The following NFASC variants were observed in gnomAD, a reference collection of about 807,000 sequenced individuals.
The protein encoded by NFASC is neurofascin, also known as neurofascin homolog.
A neutral mutation model predicts 147.5 loss-of-function variants in NFASC; 43 were observed. The observed-to-expected ratio is 0.29, with a 90% confidence interval of 0.23 to 0.38. The LOEUF is 0.38. Ranked by LOEUF, NFASC falls within the 10% of genes least tolerant of loss-of-function variation. The pLI is 1.00. For missense variants in NFASC, 1,320 were observed against 1,689.0 expected (o/e 0.78, Z 3.83); for synonymous variants, 622 against 665.5 (o/e 0.93, Z 1.01).
At chr1:204,856,697 C>T (rs2076190943) in intron 1 of NFASC, among the ~76,000 whole-genome samples, 1 of 152,138 alleles carries the variant, frequency 6.6e-6, no homozygotes, top group South Asian at 2.1e-4. Context: ...TATCCCCTGG[C>T]CATCACTAAT....
chr1:204,980,393 G>A lies in NFASC; in HGVS notation c.2200G>A (p.Val734Met), dbSNP rs757849926. ...GAPPESNPGD[V>M]KGEGTRKNNM... Reference sequence around the variant, plus strand: ...AGCCCCCGAGTCCAATCCTGGTGACGTGAAGGGAGAGGGGACCAGAAAGAA... The same window carrying A: ...AGCCCCCGAGTCCAATCCTGGTGACATGAAGGGAGAGGGGACCAGAAAGAA... The change falls in exon 20 of 30, where the codon GTG (valine) becomes ATG (methionine). Residue 734 changes from valine to methionine, a missense_variant. By Grantham distance (21) the Val-to-Met change is conservative. Around this residue, in one of 3 missense-constraint regions of NFASC, gnomAD observed 981 missense variants for 1,289.5 expected, o/e 0.76. Transcript: ENST00000339876. 6 of 1,613,768 alleles carry A rather than the reference G, an allele frequency of 3.7e-6. No individual in the cohort carries two copies. The highest frequency in any genetic ancestry group is 5.1e-6 in the Non-Finnish European group (6 of 1,179,818).
intron 2 of NFASC, 90 bp downstream of exon 2, chr1:204,920,830 GAA>G: frequency 1.8e-6 from 1 of 562,904 alleles, no homozygotes; most frequent in Non-Finnish European, 2.9e-6. Context: ...TTTGATAAGG[GAA>G]GCCTGTTTGC....
At chr1:204,930,139 G>C (rs927459911) in intron 2 of NFASC, among the ~76,000 whole-genome samples, 4 of 152,190 alleles carry the variant, frequency 2.6e-5, no homozygotes, top group African/African-American at 7.2e-5. Flanking sequence ...AGGTGTTGTT[G>C]ATTCTGAGGC....
chr1:205,002,249 C>T (rs1319520490), intron 26 of NFASC, among the ~76,000 whole-genome samples: 14 of 152,204 alleles, frequency 9.2e-5, no homozygotes, highest in Non-Finnish European at 2.9e-5. Context: ...CAGCCAGATC[C>T]ATGTGAAAAG....
intron 2 of NFASC, among the ~76,000 whole-genome samples, chr1:204,936,868 T>A (rs529142016): frequency 6.7e-6 from 1 of 149,422 alleles, no homozygotes; most frequent in Non-Finnish European, 1.5e-5. Flanking sequence ...TGCCCTGGAC[T>A]CTCTCTCTGA....
At chr1:205,012,898 G>A (rs761848695) in intron 29 of NFASC, 32 bp downstream of exon 29, 1 of 1,538,792 alleles carries the variant, frequency 6.5e-7, no homozygotes, top group South Asian at 1.1e-5. Flanking sequence ...CTCTCAGGCA[G>A]GCTGTCCTCC....
chr1:204,900,984 C>G (rs2084443114), intron 1 of NFASC, among the ~76,000 whole-genome samples: 1 of 151,988 alleles, frequency 6.6e-6, no homozygotes, highest in African/African-American at 2.4e-5. Context: ...GCCCAGATTC[C>G]TTTTAAAGAT....
intron 2 of NFASC, among the ~76,000 whole-genome samples, chr1:204,921,355 A>G (rs1237447686): frequency 6.6e-6 from 1 of 152,200 alleles, no homozygotes; most frequent in African/African-American, 2.4e-5. Flanking sequence ...ATTTTAACAG[A>G]GCAGTAACGG....
chr1:204,948,963 C>T (rs2093953896), intron 3 of NFASC, among the ~76,000 whole-genome samples: 1 of 152,156 alleles, frequency 6.6e-6, no homozygotes, highest in Admixed American at 6.5e-5. Flanking sequence ...TTCTTGGGGC[C>T]CTGGCAAGAA....
At chr1:204,891,162 CG>C (rs1307106054) in intron 1 of NFASC, among the ~76,000 whole-genome samples, 1 of 152,170 alleles carries the variant, frequency 6.6e-6, no homozygotes, top group African/African-American at 2.4e-5. Context: ...AGCAGAACCT[CG>C]GGCAAGGCTT....
At chr1:204,946,721 A>C (rs2093769358) in intron 3 of NFASC, 2 of 519,174 alleles carry the variant, frequency 3.9e-6, no homozygotes, top group Non-Finnish European at 7.7e-6. Flanking sequence ...TTCTATAGAA[A>C]CAAGTTAAAG....
intron 11 of NFASC, among the ~76,000 whole-genome samples, chr1:204,971,416 CCTTA>C (rs2095252483): frequency 6.6e-6 from 1 of 152,084 alleles, no homozygotes; most frequent in African/African-American, 2.4e-5. Context: ...AATGTCCTGT[CCTTA>C]CTTTCTCTAA....
In NFASC at chr1:204,975,806, C is replaced by A. The variant is rs2095389052; in HGVS notation, c.1706+388C>A. Among the ~76,000 whole-genome samples the A allele has an allele frequency of 6.6e-6, 1 of 152,106 alleles. No homozygotes were observed. The highest frequency in any genetic ancestry group is 6.5e-5 in the Admixed American group (1 of 15,276). On this transcript the variant is annotated intron_variant, in intron 15 of 29. Transcript: ENST00000339876. The surrounding 1 kb of genome is among the most constrained non-coding windows in gnomAD (Gnocchi z 4.0). Reference sequence around the variant, plus strand: ...AGCCTTTCAGCCCTATTTGCAGTACCCCTAATCTTCAGCAGAGGGCAGGGT... The same window carrying A: ...AGCCTTTCAGCCCTATTTGCAGTACACCTAATCTTCAGCAGAGGGCAGGGT...
intron 8 of NFASC, among the ~76,000 whole-genome samples, chr1:204,962,479 T>C (rs1171494817): frequency 6.6e-6 from 1 of 152,214 alleles, no homozygotes. Flanking sequence ...GAATCAAGAA[T>C]GGATGAAGGG....
intron 23 of NFASC, chr1:204,989,408 T>C (rs1262557185): frequency 6.5e-6 from 1 of 154,518 alleles, no homozygotes. Context: ...AAAGAGCAAA[T>C]GAGTTCATCA....
rs937572425 is a variant in NFASC, at chr1:204,991,365, G to T, written c.2782+59G>T. ...CATGGGGCAGCGCAGGCGGAGCCCA[G>T]CCCAGCCAGGGCGGACAAGGAGGGA... On this transcript the variant is annotated intron_variant, in intron 24 of 29. Transcript: ENST00000339876. 12 of 1,576,018 alleles carry T rather than the reference G, an allele frequency of 7.6e-6. 1 individual carries two copies. The East Asian group carries it at 2.7e-4, about 36-fold the overall frequency.
At chr1:204,862,838 A>G (rs2102871471) in intron 1 of NFASC, among the ~76,000 whole-genome samples, 1 of 152,274 alleles carries the variant, frequency 6.6e-6, no homozygotes, top group Non-Finnish European at 1.5e-5. Flanking sequence ...AAGTTTTTAA[A>G]TTTTTTAAAT....
At chr1:204,886,731 C>T (rs2081378945) in intron 1 of NFASC, among the ~76,000 whole-genome samples, 1 of 152,166 alleles carries the variant, frequency 6.6e-6, no homozygotes, top group Non-Finnish European at 1.5e-5. Flanking sequence ...ACTCCCTTGC[C>T]TAGTGTTATA....
intron 1 of NFASC, among the ~76,000 whole-genome samples, chr1:204,833,771 G>A (rs1672916788): frequency 6.6e-6 from 1 of 152,242 alleles, no homozygotes; most frequent in Non-Finnish European, 1.5e-5. Context: ...AGTCATGGAG[G>A]TGACATGGCA....
Sources: gnomAD v4.1 joint callset for allele counts (sites outside exome capture counted in the v4.1 genomes callset) on GRCh38, gnomAD v4.1.1 for gene constraint, gnomAD v4.1.1 regional missense constraint, Gnocchi (gnomAD v3.1) non-coding constraint, MANE v1.5 for transcripts, NCBI Gene and HGNC (gene_info 2026-07-23, HGNC 2026-07-21) for gene names.